The following MAPK10 variants were observed in gnomAD, a reference collection of about 807,000 sequenced individuals.
MAPK10 encodes JNK3 alpha protein kinase.
A neutral mutation model predicts 59.3 loss-of-function variants in MAPK10; 25 were observed. That is an observed-to-expected ratio of 0.42 (90% confidence interval 0.31 to 0.59). The LOEUF (loss-of-function observed/expected upper bound fraction) is 0.59, where lower values mean the gene tolerates loss of function less well. MAPK10 is among the 20% of genes least tolerant of loss of function. The probability of loss-of-function intolerance (pLI) is 0.15; values close to 1 mark genes in which losing one functional copy is unlikely to be tolerated. For missense variants in MAPK10, 351 were observed against 568.9 expected (o/e 0.62, Z 3.90); for synonymous variants, 190 against 200.5 (o/e 0.95, Z 0.44).
At chr4:86,453,970 A>G (rs1751007155), upstream of MAPK10, among the ~76,000 whole-genome samples, 1 of 152,220 alleles carries the variant, frequency 6.6e-6, no homozygotes, top group Admixed American at 6.5e-5. Flanking sequence ...GTACCAGCCC[A>G]GAGCCTGTTA....
chr4:86,130,627 TAGA>T (rs2060836303), intron 4 of MAPK10, among the ~76,000 whole-genome samples: 1 of 152,054 alleles, frequency 6.6e-6, no homozygotes, highest in Non-Finnish European at 1.5e-5. Flanking sequence ...GCAGGGAAAG[TAGA>T]TTAAAGGGAT....
intron 2 of MAPK10, among the ~76,000 whole-genome samples, chr4:86,298,257 C>T (rs2095406289): frequency 6.6e-6 from 1 of 152,148 alleles, no homozygotes; most frequent in Admixed American, 6.5e-5. Flanking sequence ...GTAGACATTT[C>T]CAGATGAGGG....
intron 8 of MAPK10, chr4:86,098,800 T>G (rs1002858109): frequency 4.0e-6 from 2 of 498,274 alleles, no homozygotes; most frequent in Non-Finnish European, 7.3e-6. Context: ...AAATTAATGT[T>G]TAAAAACCCA....
At chr4:86,593,996 C>T (rs1242576714) in exon 1 of MAPK10, 1 of 152,232 alleles carries the variant, frequency 6.6e-6, no homozygotes, top group East Asian at 1.9e-4. Flanking sequence ...GCATTTTCAA[C>T]TTGGCCTAAA....
chr4:86,170,800 C>G (rs2073899885), intron 3 of MAPK10, among the ~76,000 whole-genome samples: 1 of 150,546 alleles, frequency 6.6e-6, no homozygotes, highest in Non-Finnish European at 1.5e-5. Context: ...CACACCTATT[C>G]CAAAATTGAC....
intron 1 of MAPK10, among the ~76,000 whole-genome samples, chr4:86,556,101 G>A (rs565963974): frequency 9.2e-5 from 14 of 152,264 alleles, no homozygotes; most frequent in East Asian, 3.9e-4. Context: ...CTCCTGTGCC[G>A]TTTCAGAAAT....
At chr4:86,042,925 G>A (rs1394632567) in intron 11 of MAPK10, among the ~76,000 whole-genome samples, 1 of 152,116 alleles carries the variant, frequency 6.6e-6, no homozygotes, top group African/African-American at 2.4e-5. Flanking sequence ...TGAGGGAATA[G>A]AAAGAAAAGA....
intron 4 of MAPK10, among the ~76,000 whole-genome samples, chr4:86,136,893 T>C (rs1242488834): frequency 2.0e-5 from 3 of 152,124 alleles, no homozygotes; most frequent in Non-Finnish European, 4.4e-5. Context: ...TCCTAGTCTC[T>C]GATAAAACAG....
chr4:86,102,934 A>T, intron 6 of MAPK10: 1 of 321,270 alleles, frequency 3.1e-6, no homozygotes, highest in Admixed American at 4.5e-5. Flanking sequence ...AACAAAGTAT[A>T]TAAAGCCACA....
chr4:86,030,026 A>C (rs1040705810), intron 12 of MAPK10, among the ~76,000 whole-genome samples: 1 of 152,264 alleles, frequency 6.6e-6, no homozygotes, highest in East Asian at 1.9e-4. Flanking sequence ...GCAATGGCTT[A>C]TAATCTGTAT....
At chr4:86,050,615 C>G (rs2043324816) in intron 11 of MAPK10, among the ~76,000 whole-genome samples, 1 of 152,034 alleles carries the variant, frequency 6.6e-6, no homozygotes, top group Non-Finnish European at 1.5e-5. Context: ...TAATTGCAAG[C>G]CAAGTTTTTT....
chr4:86,345,643 C>T (rs1428517134), intron 2 of MAPK10, among the ~76,000 whole-genome samples: 1 of 152,140 alleles, frequency 6.6e-6, no homozygotes, highest in East Asian at 1.9e-4. Context: ...AAGGGCTCTT[C>T]CTTTTCCAGA....
At position 86,256,866 on chromosome 4, in the gene MAPK10, G is replaced by A. The variant is rs889662297; in HGVS notation, c.-6-62459C>T. On this transcript the variant is annotated intron_variant, in intron 2 of 13. Transcript: ENST00000641462. ...CGCCATTCTCCTGCTTCAGCCTCCC[G>A]AGTAGCTGGGACTACAGGCGCCCGC... is the stretch of plus-strand genomic sequence containing the variant. 8.0e-4 allele frequency among the ~76,000 whole-genome samples: 120 copies of A among 149,196 alleles called. 1 individual carries two copies. Among genetic ancestry groups the A allele is most frequent in the Non-Finnish European group, 1.4e-3 (97 of 67,446 alleles).
intron 2 of MAPK10, among the ~76,000 whole-genome samples, chr4:86,346,475 A>G (rs1239317003): frequency 1.3e-5 from 2 of 152,158 alleles, no homozygotes; most frequent in Non-Finnish European, 2.9e-5. Flanking sequence ...CATAACCATC[A>G]TAGGCCTAAC....
chr4:86,313,171 T>C (rs538260311), intron 2 of MAPK10, among the ~76,000 whole-genome samples: 6 of 152,266 alleles, frequency 3.9e-5, no homozygotes, highest in African/African-American at 9.6e-5. Flanking sequence ...AGGAATATGA[T>C]GGTTCTGCAT....
At chr4:86,411,454 C>T (rs921556010) in intron 1 of MAPK10, among the ~76,000 whole-genome samples, 9 of 152,122 alleles carry the variant, frequency 5.9e-5, no homozygotes, top group African/African-American at 2.2e-4. Flanking sequence ...TCCTGGATAG[C>T]CTTGTTAACA....
intron 9 of MAPK10, 164 bp downstream of exon 9, chr4:86,098,360 G>T: frequency 1.2e-6 from 1 of 850,160 alleles, no homozygotes; most frequent in East Asian, 3.1e-5. Context: ...GTGGTAGGCA[G>T]TCTTCAGTAC....
At chr4:86,508,488 T>G (rs1451885741) in intron 1 of MAPK10, among the ~76,000 whole-genome samples, 4 of 152,188 alleles carry the variant, frequency 2.6e-5, no homozygotes, top group Non-Finnish European at 5.9e-5. Context: ...TTATCTGGTT[T>G]CTACGGAGTT....
At chr4:86,421,506 A>G (rs1281379654) in intron 1 of MAPK10, among the ~76,000 whole-genome samples, 1 of 152,148 alleles carries the variant, frequency 6.6e-6, no homozygotes, top group Non-Finnish European at 1.5e-5. Context: ...AGGATGATAA[A>G]CTGTAGAGTC....
Sources: allele counts gnomAD v4.1 joint callset (sites outside exome capture counted in the v4.1 genomes callset), GRCh38; gene constraint gnomAD v4.1.1; transcripts MANE v1.5; gene names NCBI Gene and HGNC (gene_info 2026-07-23, HGNC 2026-07-21).